The following DSCAM variants were observed in gnomAD, a reference collection of about 807,000 sequenced individuals.
The protein encoded by DSCAM is DS cell adhesion molecule.
A neutral mutation model predicts 217.7 loss-of-function variants in DSCAM; 47 were observed. The ratio of observed to expected loss-of-function variants is 0.22; its 90% CI spans 0.17 to 0.28. The LOEUF (loss-of-function observed/expected upper bound fraction) is 0.28. DSCAM is among the 10% of genes least tolerant of loss of function. The pLI, the probability that DSCAM is intolerant of heterozygous loss-of-function variation, is 1.00. For synonymous variants in DSCAM, 1,056 were observed against 1,015.3 expected, an observed-to-expected ratio of 1.04 and a Z score of -0.76; for missense variants, 2,080 against 2,618.3, an observed-to-expected ratio of 0.79 and a Z score of 4.49.
chr21:40,385,146 G>A (rs2075070248), intron 3 of DSCAM: 1 of 151,964 alleles, frequency 6.6e-6, no homozygotes. Flanking sequence ...GTATGGTTCT[G>A]TATTTTCTCT....
At chr21:40,584,099 CCCA>C (rs1460482366) in intron 3 of DSCAM, among the ~76,000 whole-genome samples, 1 of 152,050 alleles carries the variant, frequency 6.6e-6, no homozygotes. Context: ...TCATTTGATC[CCCA>C]CTTCCCATAT....
intron 28 of DSCAM, among the ~76,000 whole-genome samples, chr21:40,061,054 C>A (rs944631960): frequency 6.6e-6 from 1 of 152,190 alleles, no homozygotes; most frequent in African/African-American, 2.4e-5. Flanking sequence ...CTTTGCTTTT[C>A]CTCTGAGCTC....
intron 1 of DSCAM, among the ~76,000 whole-genome samples, chr21:40,745,733 A>G (rs2091167706): frequency 2.0e-5 from 3 of 152,150 alleles, no homozygotes; most frequent in African/African-American, 7.2e-5. Context: ...TCACTGGTAA[A>G]AGTAAGAATA....
At chr21:40,030,232 G>A (rs895938081) in intron 32 of DSCAM, among the ~76,000 whole-genome samples, 7 of 152,106 alleles carry the variant, frequency 4.6e-5, no homozygotes, top group South Asian at 2.1e-4. Flanking sequence ...TTTGCCATGC[G>A]TGTGTTGAGT....
intron 16 of DSCAM, among the ~76,000 whole-genome samples, chr21:40,160,739 C>T (rs183829929): frequency 3.2e-3 from 485 of 152,276 alleles, no homozygotes; most frequent in African/African-American, 0.011. Context: ...CAGGCAAATA[C>T]AATACTTGCC....
At chr21:40,210,064 C>T (rs185799191) in intron 11 of DSCAM, among the ~76,000 whole-genome samples, 1 of 152,318 alleles carries the variant, frequency 6.6e-6, no homozygotes, top group Non-Finnish European at 1.5e-5. Context: ...CCCCAGCACT[C>T]AAACATACCT....
intron 3 of DSCAM, among the ~76,000 whole-genome samples, chr21:40,567,822 GAAA>G (rs2076776456): frequency 2.0e-5 from 3 of 152,206 alleles, no homozygotes; most frequent in Non-Finnish European, 1.5e-5. Flanking sequence ...GCATGGATTT[GAAA>G]ATTATCAGAA....
At chr21:40,736,689 G>C (rs940079710) in intron 1 of DSCAM, among the ~76,000 whole-genome samples, 1 of 152,112 alleles carries the variant, frequency 6.6e-6, no homozygotes. Flanking sequence ...AGGGTTTTAG[G>C]AGCTCCTGTG....
intron 8 of DSCAM, among the ~76,000 whole-genome samples, chr21:40,322,064 C>T (rs149637092): frequency 1.6e-4 from 25 of 152,300 alleles, no homozygotes; most frequent in African/African-American, 2.2e-4. Flanking sequence ...TGTCCACTTC[C>T]TCTGCTCCTA....
intron 11 of DSCAM, among the ~76,000 whole-genome samples, chr21:40,240,349 GTT>G (rs749073872): frequency 0.023 from 1,320 of 57,614 alleles, 9 homozygotes; most frequent in African/African-American, 0.095. Context: ...TTCCTCACTG[GTT>G]TTTTTTTTTT....
chr21:40,277,987 G>A (rs2073711290), intron 10 of DSCAM, among the ~76,000 whole-genome samples: 1 of 151,722 alleles, frequency 6.6e-6, no homozygotes, highest in Admixed American at 6.6e-5. Flanking sequence ...TAATTGAAAA[G>A]AGTAAACAAA....
intron 11 of DSCAM, among the ~76,000 whole-genome samples, chr21:40,248,684 TC>T (rs1223462455): frequency 3.3e-5 from 5 of 152,298 alleles, no homozygotes; most frequent in African/African-American, 1.2e-4. Flanking sequence ...TCCAAACTGT[TC>T]CAACCTCTGC....
At chr21:40,432,149 A>G (rs1040299273) in intron 3 of DSCAM, among the ~76,000 whole-genome samples, 1 of 152,138 alleles carries the variant, frequency 6.6e-6, no homozygotes, top group African/African-American at 2.4e-5. Context: ...GTGAGCCGAG[A>G]TCGTGCCATT....
chr21:40,713,854 A>T (rs981889533), intron 1 of DSCAM, among the ~76,000 whole-genome samples: 1 of 152,194 alleles, frequency 6.6e-6, no homozygotes, highest in Admixed American at 6.5e-5. Context: ...TAATCTAATA[A>T]CTAGATGAGC....
At chr21:40,103,771 T>A (rs1329221420) in intron 20 of DSCAM, among the ~76,000 whole-genome samples, 1 of 150,788 alleles carries the variant, frequency 6.6e-6, no homozygotes, top group Non-Finnish European at 1.5e-5. Flanking sequence ...GCCTTTCAAA[T>A]ATAAAATATT....
chr21:40,268,021 A>G (rs1235257376), intron 11 of DSCAM, among the ~76,000 whole-genome samples: 1 of 152,214 alleles, frequency 6.6e-6, no homozygotes, highest in Non-Finnish European at 1.5e-5. Flanking sequence ...ATTCCAGCAA[A>G]CAGGGTCCCT....
At chr21:40,717,670 G>A (rs1010054430) in intron 1 of DSCAM, among the ~76,000 whole-genome samples, 1 of 152,326 alleles carries the variant, frequency 6.6e-6, no homozygotes, top group Middle Eastern at 3.4e-3. Context: ...TGGGTAACGG[G>A]ACAGGATAGG....
chr21:40,712,925 A>T (rs1458957949), intron 1 of DSCAM, among the ~76,000 whole-genome samples: 1 of 152,146 alleles, frequency 6.6e-6, no homozygotes, highest in Non-Finnish European at 1.5e-5. Context: ...TGAACAGGAA[A>T]GCCTACATAC....
chr21:40,259,342 C>G (rs1299340651), intron 11 of DSCAM, among the ~76,000 whole-genome samples: 2 of 151,772 alleles, frequency 1.3e-5, no homozygotes, highest in Non-Finnish European at 2.9e-5. Context: ...GCCATAGGGC[C>G]TTTTCTCTGG....
Sources: gnomAD v4.1 joint callset for allele counts (sites outside exome capture counted in the v4.1 genomes callset) on GRCh38, gnomAD v4.1.1 for gene constraint, MANE v1.5 for transcripts, NCBI Gene and HGNC (gene_info 2026-07-23, HGNC 2026-07-21) for gene names.